The following CSMD3 variants were observed in gnomAD, a reference collection of about 807,000 sequenced individuals.
The protein encoded by CSMD3 is CUB and Sushi multiple domains 3.
A neutral mutation model predicts 435.2 loss-of-function variants in CSMD3; 177 were observed. That is an observed-to-expected ratio of 0.41 (90% CI 0.36 to 0.46). The LOEUF (loss-of-function observed/expected upper bound fraction) is 0.46, where lower values mean the gene tolerates loss of function less well. Ranked by LOEUF, CSMD3 falls within the 20% of genes least tolerant of loss-of-function variation. CSMD3 has a pLI of 0.34. For missense variants in CSMD3, 4,265 were observed against 4,504.6 expected (o/e 0.95, Z 1.52); for synonymous variants, 1,656 against 1,520.5 (o/e 1.09, Z -2.07).
rs117222942 is a variant in CSMD3, at chr8:113,284,142, T to G, written c.402-5438A>C. ...CAGATATAGTACAGTATATACTGCT[T>G]AAGTGATGGGTGCACCAAAATCTCA... On this transcript the variant is annotated intron_variant, in intron 2 of 70. Coordinates refer to ENST00000297405, the MANE Select transcript of CSMD3 (RefSeq NM_198123.2). Among the ~76,000 whole-genome samples the G allele has an allele frequency of 4.6e-3, 701 of 152,130 alleles. 4 individuals carry two copies. Among genetic ancestry groups the G allele is most frequent in the Non-Finnish European group, 7.2e-3 (490 of 67,982 alleles).
intron 53 of CSMD3, among the ~76,000 whole-genome samples, chr8:112,299,475 AT>A (rs1820697875): frequency 6.6e-6 from 1 of 152,136 alleles, no homozygotes; most frequent in Admixed American, 6.6e-5. Flanking sequence ...CATCAAAAAA[AT>A]AAATTAATGG....
At chr8:113,022,506 G>C (rs932012848) in intron 5 of CSMD3, among the ~76,000 whole-genome samples, 41 of 151,784 alleles carry the variant, frequency 2.7e-4, no homozygotes, top group African/African-American at 9.6e-4. Context: ...ATTTCAGATA[G>C]TGGCAAATGA....
At chr8:113,053,418 A>T (rs931303620) in intron 5 of CSMD3, among the ~76,000 whole-genome samples, 4 of 152,208 alleles carry the variant, frequency 2.6e-5, no homozygotes, top group East Asian at 1.9e-4. Context: ...TTTAAGTAGG[A>T]ATATATTCAT....
chr8:113,104,493 T>G (rs1404418927), intron 4 of CSMD3, among the ~76,000 whole-genome samples: 1 of 152,126 alleles, frequency 6.6e-6, no homozygotes, highest in African/African-American at 2.4e-5. Flanking sequence ...TCTACTTACA[T>G]TTAATAGTTC....
chr8:112,753,909 A>G (rs2077631006), intron 13 of CSMD3, among the ~76,000 whole-genome samples: 1 of 152,194 alleles, frequency 6.6e-6, no homozygotes, highest in South Asian at 2.1e-4. Context: ...TGTGGTCTTC[A>G]TGAAAAAAGA....
Position 112,311,226 on chromosome 8 carries a change from T to C in CSMD3, c.7697-60A>G, listed in dbSNP as rs1586735365. 35 of 1,387,354 alleles carry C rather than the reference T, an allele frequency of 2.5e-5. No homozygotes were observed. The East Asian group carries it at 7.8e-4, about 31-fold the overall frequency. The allele number at this position is 1,387,354 out of a possible 1,614,324, so 85.9% of individuals were successfully genotyped here. The stretch of plus-strand genomic sequence containing the variant: ...ATGAATCAGAAGTTATTACCCAAAG[T>C]GATAAACACCTATACAGCGACTAGT... On this transcript the variant is annotated intron_variant, in intron 49 of 70. Coordinates refer to ENST00000297405, the MANE Select transcript of CSMD3 (RefSeq NM_198123.2).
chr8:112,324,570 G>GGT (rs751053762), intron 45 of CSMD3, among the ~76,000 whole-genome samples: 4 of 99,870 alleles, frequency 4.0e-5, no homozygotes, highest in Non-Finnish European at 1.0e-4. Context: ...TGAAGCAAGG[G>GGT]GTGTGTGTGT....
rs892962111 is a variant in CSMD3 at position 113,382,569 on chromosome 8, A to T, written c.178+54108T>A. 1.1e-4 allele frequency among the ~76,000 whole-genome samples: 16 copies of T among 152,338 alleles called. 1 individual carries two copies. The East Asian group carries it at 3.1e-3, about 29-fold the overall frequency. Reference sequence around the variant, plus strand: ...TTCTGAACATTAATACCATCTACCAAAATGCAGAATCAGAGAGTAATCTTG... The same window carrying T: ...TTCTGAACATTAATACCATCTACCATAATGCAGAATCAGAGAGTAATCTTG... On this transcript the variant is annotated intron_variant, in intron 1 of 70. Transcript: ENST00000297405.
chr8:112,370,420 T>C (rs934043001), intron 38 of CSMD3, among the ~76,000 whole-genome samples: 5 of 152,220 alleles, frequency 3.3e-5, no homozygotes, highest in African/African-American at 1.2e-4. Flanking sequence ...ATTCCTCTGC[T>C]CAAATCTCCC....
intron 10 of CSMD3, among the ~76,000 whole-genome samples, chr8:112,909,825 C>G (rs531655132): frequency 2.6e-5 from 4 of 151,836 alleles, no homozygotes; most frequent in African/African-American, 9.6e-5. Flanking sequence ...ATGAGTTCAT[C>G]TTTGAAATTT....
chr8:112,441,138 C>A (rs1814965133), intron 32 of CSMD3, among the ~76,000 whole-genome samples: 1 of 152,224 alleles, frequency 6.6e-6, no homozygotes, highest in East Asian at 1.9e-4. Flanking sequence ...ATTCTTCCAC[C>A]AGATACCATA....
chr8:112,616,382 A>C lies in CSMD3; in HGVS notation c.3715+20435T>G, dbSNP rs535325817. On this transcript the variant is annotated intron_variant, in intron 22 of 70. Transcript: ENST00000297405. ...TAATGACATCTACATATATAGCTTGAAAGTTACATATATTGTGATCTTCGA... is the reference window on the plus strand; with the variant it reads ...TAATGACATCTACATATATAGCTTGCAAGTTACATATATTGTGATCTTCGA... 8.5e-5 allele frequency among the ~76,000 whole-genome samples: 13 copies of C among 152,282 alleles called. No individual in the cohort carries two copies. In the East Asian group the frequency reaches 1.9e-3, roughly 23 times the overall value.
At chr8:113,212,916 A>G (rs1312815725) in intron 3 of CSMD3, among the ~76,000 whole-genome samples, 2 of 150,064 alleles carry the variant, frequency 1.3e-5, no homozygotes, top group East Asian at 1.9e-4. Flanking sequence ...TTAAAAAAAA[A>G]AAAAGAAAAT....
At chr8:112,306,513 G>A (rs1821436452) in intron 50 of CSMD3, among the ~76,000 whole-genome samples, 1 of 152,152 alleles carries the variant, frequency 6.6e-6, no homozygotes, top group South Asian at 2.1e-4. Flanking sequence ...GTTAGGTAAA[G>A]AGTATCTCTA....
intron 1 of CSMD3, among the ~76,000 whole-genome samples, chr8:113,367,483 C>A (rs1375115180): frequency 6.6e-6 from 1 of 151,920 alleles, no homozygotes; most frequent in Non-Finnish European, 1.5e-5. Context: ...CATAAATTTA[C>A]CTATTATAAC....
At chr8:113,231,945 C>CA (rs962971908) in intron 3 of CSMD3, among the ~76,000 whole-genome samples, 2 of 151,280 alleles carry the variant, frequency 1.3e-5, no homozygotes, top group Admixed American at 6.6e-5. Context: ...ATTTTTTCCC[C>CA]AAAAAATGAG....
chr8:112,708,679 G>A (rs1587030882), intron 13 of CSMD3, among the ~76,000 whole-genome samples: 2 of 135,518 alleles, frequency 1.5e-5, no homozygotes, highest in African/African-American at 2.8e-5. Context: ...CTGAAGGACT[G>A]AATATATATT....
intron 10 of CSMD3, among the ~76,000 whole-genome samples, chr8:112,867,522 G>T (rs922259893): frequency 2.0e-5 from 3 of 151,898 alleles, no homozygotes; most frequent in Non-Finnish European, 2.9e-5. Flanking sequence ...AGATTGTGTA[G>T]CCTACTACAA....
intron 42 of CSMD3, among the ~76,000 whole-genome samples, chr8:112,339,929 C>T (rs182046469): frequency 1.1e-4 from 17 of 152,106 alleles, no homozygotes; most frequent in Admixed American, 9.8e-4. Context: ...GTTAATAATA[C>T]GTCAGTAACA....
Sources: gnomAD v4.1 joint callset for allele counts (sites outside exome capture counted in the v4.1 genomes callset) on GRCh38, gnomAD v4.1.1 for gene constraint, MANE v1.5 for transcripts, NCBI Gene and HGNC (gene_info 2026-07-23, HGNC 2026-07-21) for gene names.